Variants in EBF2 observed in about 807,000 individuals in gnomAD.
EBF2 encodes the protein EBF transcription factor 2.
EBF2 carries 21 observed loss-of-function variants against 72.8 expected under a neutral mutation model. That is an observed-to-expected ratio of 0.29 (90% CI 0.20 to 0.42). The LOEUF (loss-of-function observed/expected upper bound fraction) is 0.42, where lower values mean the gene tolerates loss of function less well. EBF2 is among the 10% of genes least tolerant of loss of function. The pLI, the probability that EBF2 is intolerant of heterozygous loss-of-function variation, is 1.00. For missense variants in EBF2, 637 were observed against 731.2 expected, an observed-to-expected ratio of 0.87 and a Z score of 1.49; for synonymous variants, 299 against 274.2, an observed-to-expected ratio of 1.09 and a Z score of -0.89.
intron 6 of EBF2, among the ~76,000 whole-genome samples, chr8:26,028,189 T>C (rs914952467): frequency 6.6e-6 from 1 of 152,178 alleles, no homozygotes; most frequent in African/African-American, 2.4e-5. Context: ...CATGGGCAAA[T>C]AAACTTCAGT....
intron 7 of EBF2, among the ~76,000 whole-genome samples, chr8:25,903,994 T>C (rs1039648249): frequency 1.3e-5 from 2 of 151,800 alleles, no homozygotes; most frequent in African/African-American, 4.8e-5. Flanking sequence ...GCCAAGAGAG[T>C]GGATGAGAGA....
chr8:26,034,527 T>G (rs1177935715), intron 5 of EBF2, among the ~76,000 whole-genome samples: 1 of 152,188 alleles, frequency 6.6e-6, no homozygotes, highest in Non-Finnish European at 1.5e-5. Flanking sequence ...TCCAAAGGTA[T>G]CTGTTCGAAA....
At position 25,881,563 on chromosome 8, in the gene EBF2, T is replaced by A. The variant is rs186110580; in HGVS notation, c.1009+5192A>T. On this transcript the variant is annotated intron_variant, in intron 10 of 15. Transcript: ENST00000520164. Reference sequence around the variant, plus strand: ...CAGAAGTGCTGGGAAGGGAAGGGCGTGGTACCTTTAAATGATATGGAAGTG... The same window carrying A: ...CAGAAGTGCTGGGAAGGGAAGGGCGAGGTACCTTTAAATGATATGGAAGTG... Among the ~76,000 whole-genome samples the A allele has an allele frequency of 4.7e-3, 717 of 152,096 alleles. 5 individuals carry two copies. Among genetic ancestry groups the A allele is most frequent in the African/African-American group, 0.016 (683 of 41,486 alleles).
chr8:25,894,512 C>A (rs530337983), intron 7 of EBF2, among the ~76,000 whole-genome samples: 3 of 152,264 alleles, frequency 2.0e-5, no homozygotes, highest in African/African-American at 7.2e-5. Flanking sequence ...ATCAATCAGT[C>A]AACCCCTGAC....
chr8:25,987,569 T>C (rs756645593), intron 6 of EBF2, among the ~76,000 whole-genome samples: 1 of 152,220 alleles, frequency 6.6e-6, no homozygotes, highest in Non-Finnish European at 1.5e-5. Flanking sequence ...TCCATGCCCT[T>C]CAACAATCAT....
At chr8:26,011,462 CTTT>C (rs5890277) in intron 6 of EBF2, among the ~76,000 whole-genome samples, 1 of 146,358 alleles carries the variant, frequency 6.8e-6, no homozygotes. Flanking sequence ...CTTCAGGTGG[CTTT>C]TTTTTTTTTC....
chr8:26,004,509 T>C (rs1269597198), intron 6 of EBF2, among the ~76,000 whole-genome samples: 1 of 151,752 alleles, frequency 6.6e-6, no homozygotes, highest in Non-Finnish European at 1.5e-5. Flanking sequence ...ACCCCGTCTC[T>C]ACTAAAAATA....
At chr8:26,011,462 CTT>C (rs5890277) in intron 6 of EBF2, among the ~76,000 whole-genome samples, 1,860 of 146,280 alleles carry the variant, frequency 0.013, 24 homozygotes, top group South Asian at 0.029. Flanking sequence ...CTTCAGGTGG[CTT>C]TTTTTTTTTT....
intron 7 of EBF2, among the ~76,000 whole-genome samples, chr8:25,894,389 T>G (rs1802833905): frequency 6.6e-6 from 1 of 152,186 alleles, no homozygotes; most frequent in Non-Finnish European, 1.5e-5. Context: ...CCAAAGGAAG[T>G]GGAATGCGCA....
At chr8:25,935,803 A>C (rs1280980039) in intron 6 of EBF2, among the ~76,000 whole-genome samples, 1 of 152,204 alleles carries the variant, frequency 6.6e-6, no homozygotes, top group Non-Finnish European at 1.5e-5. Context: ...CTTTTTAATT[A>C]AAAACATGAT....
At chr8:26,005,561 T>TATAG (rs375386709) in intron 6 of EBF2, among the ~76,000 whole-genome samples, 19 of 63,888 alleles carry the variant, frequency 3.0e-4, no homozygotes, top group Admixed American at 5.6e-4. Flanking sequence ...TATATATATA[T>TATAG]AGAGAGAGAG....
At chr8:26,035,573 C>T (rs1389524045) in intron 5 of EBF2, among the ~76,000 whole-genome samples, 5 of 152,012 alleles carry the variant, frequency 3.3e-5, no homozygotes, top group African/African-American at 9.7e-5. Context: ...TGTGTGGATT[C>T]GCAAGTGAGT....
At chr8:25,924,080 G>C (rs1275045821) in intron 6 of EBF2, among the ~76,000 whole-genome samples, 1 of 152,098 alleles carries the variant, frequency 6.6e-6, no homozygotes, top group African/African-American at 2.4e-5. Context: ...TAAGAGGAAG[G>C]CACTCATGTT....
At chr8:25,963,392 G>A (rs527329528) in intron 6 of EBF2, among the ~76,000 whole-genome samples, 156 of 152,062 alleles carry the variant, frequency 1.0e-3, no homozygotes, top group Non-Finnish European at 1.5e-3. Flanking sequence ...TAACATAAAG[G>A]CAGTTCTGTA....
intron 14 of EBF2, among the ~76,000 whole-genome samples, chr8:25,856,278 T>C: frequency 6.6e-6 from 1 of 152,174 alleles, no homozygotes; most frequent in Non-Finnish European, 1.5e-5. Context: ...AGATTATGAT[T>C]GAATGATATG....
chr8:25,889,901 G>A lies in EBF2; in HGVS notation c.634-32C>T, dbSNP rs542118974. On this transcript the variant is annotated intron_variant, in intron 7 of 15. Coordinates refer to ENST00000520164, the MANE Select transcript of EBF2 (RefSeq NM_022659.4). ...ATTTAAAGTAAAAAGGAGAAAGGGG[G>A]TGCAGTGGAATTAGTTTCACATGAA... The A allele has an allele frequency of 1.5e-5, 24 of 1,580,554 alleles. No individual in the cohort carries two copies. In the East Asian group the frequency reaches 4.3e-4, roughly 28 times the overall value.
In EBF2 at chr8:25,844,519, C is replaced by A. The variant is rs1801792628; in HGVS notation, c.*90G>T. ...TGTCCATCATGTTCATGTGGGGGCA[C>A]CACTACACCCCCAAAAGAGCTCCTA... On this transcript the variant is annotated 3_prime_UTR_variant, in exon 16 of 16. Transcript: ENST00000520164. The A allele has an allele frequency of 1.4e-6, 2 of 1,458,832 alleles. No homozygotes were observed. Among genetic ancestry groups the A allele is most frequent in the African/African-American group, 1.4e-5 (1 of 71,828 alleles). The allele number at this position is 1,458,832 out of a possible 1,614,324, so 90.4% of individuals were successfully genotyped here.
intron 6 of EBF2, among the ~76,000 whole-genome samples, chr8:26,000,568 C>A (rs1271212339): frequency 6.6e-6 from 1 of 152,162 alleles, no homozygotes; most frequent in Non-Finnish European, 1.5e-5. Context: ...GGTTCTGTAA[C>A]CCCTAATAAA....
intron 2 of EBF2, 53 bp from the exon 3 acceptor site, chr8:26,041,055 G>C: frequency 6.2e-7 from 1 of 1,600,296 alleles, no homozygotes; most frequent in Non-Finnish European, 8.5e-7. Flanking sequence ...CCCAAAATGA[G>C]GGAAAGAGGA....
Sources: gnomAD v4.1 joint callset for allele counts (sites outside exome capture counted in the v4.1 genomes callset) on GRCh38, gnomAD v4.1.1 for gene constraint, MANE v1.5 for transcripts, NCBI Gene and HGNC (gene_info 2026-07-23, HGNC 2026-07-21) for gene names.